Variants in USP32 observed in about 807,000 individuals in gnomAD.
USP32 encodes the protein ubiquitin specific peptidase 32.
Under a neutral mutation model 204.8 loss-of-function variants are expected in USP32, and 59 were observed. That is an observed-to-expected ratio of 0.29 (90% CI 0.23 to 0.36). USP32 has a LOEUF of 0.36. Ranked by LOEUF, USP32 falls within the 10% of genes least tolerant of loss-of-function variation. The pLI is 1.00. For missense variants in USP32, 1,160 were observed against 1,946.4 expected (o/e 0.60, Z 7.60); for synonymous variants, 517 against 678.4 (o/e 0.76, Z 3.70).
chr17:60,303,473 C>T (rs2145897009), intron 2 of USP32, among the ~76,000 whole-genome samples: 1 of 151,134 alleles, frequency 6.6e-6, no homozygotes, highest in South Asian at 2.1e-4. Context: ...AAGGTAACAT[C>T]AAAAGTTGAA....
At chr17:60,347,521 T>A (rs1184695468) in intron 1 of USP32, among the ~76,000 whole-genome samples, 2 of 151,424 alleles carry the variant, frequency 1.3e-5, no homozygotes, top group African/African-American at 4.8e-5. Flanking sequence ...GCCCAGCTAA[T>A]TTTTTGTATT....
At chr17:60,402,131 C>T (rs907898966) in intron 1 of USP32, among the ~76,000 whole-genome samples, 2 of 152,048 alleles carry the variant, frequency 1.3e-5, no homozygotes, top group African/African-American at 4.8e-5. Context: ...CCCAATTTTG[C>T]ATTGTACAAG....
intron 5 of USP32, among the ~76,000 whole-genome samples, chr17:60,288,065 G>C (rs2087164756): frequency 8.2e-6 from 1 of 121,610 alleles, no homozygotes; most frequent in African/African-American, 3.2e-5. Context: ...AGTGAGCCGA[G>C]ATCACACCAC....
intron 7 of USP32, among the ~76,000 whole-genome samples, chr17:60,267,394 A>G (rs237963): frequency 0.14 from 22,016 of 152,124 alleles, 3,477 homozygotes; most frequent in African/African-American, 0.39. Context: ...ACAGTGCGAG[A>G]CTTCGTCTCA....
At chr17:60,219,552 A>T (rs1412359382) in intron 16 of USP32, 118 bp downstream of exon 16, 20 of 1,382,838 alleles carry the variant, frequency 1.4e-5, no homozygotes, top group East Asian at 2.6e-5. Context: ...CGAGCAACGT[A>T]GTTTTCACCT....
chr17:60,384,845 C>T lies in USP32; in HGVS notation c.58+7037G>A, dbSNP rs1008490158. Among the ~76,000 whole-genome samples the T allele has an allele frequency of 1.1e-4, 17 of 151,894 alleles. No individual in the cohort carries two copies. In the East Asian group the frequency reaches 3.1e-3, roughly 28 times the overall value. ...GAGCCTGGCTGGGCGTGGTGGCTCA[C>T]GCCTGTAATTCCAGCATTTTGGGAG... On this transcript the variant is annotated intron_variant, in intron 1 of 33. Transcript: ENST00000300896.
At chr17:60,207,512 CTTAAT>C (rs2084860124) in intron 24 of USP32, among the ~76,000 whole-genome samples, 1 of 151,786 alleles carries the variant, frequency 6.6e-6, no homozygotes, top group East Asian at 1.9e-4. Context: ...GTTGCAGGAG[CTTAAT>C]TTAGAGTAGG....
chr17:60,304,377 G>A (rs751626064), intron 2 of USP32, among the ~76,000 whole-genome samples: 27 of 148,064 alleles, frequency 1.8e-4, no homozygotes, highest in Non-Finnish European at 3.6e-4. Flanking sequence ...TTTTTTTTAC[G>A]GAAACAAAAA....
intron 2 of USP32, among the ~76,000 whole-genome samples, chr17:60,318,677 T>C (rs1234332635): frequency 6.6e-6 from 1 of 152,200 alleles, no homozygotes; most frequent in Non-Finnish European, 1.5e-5. Flanking sequence ...TTTACAGAAT[T>C]GTTTTACTGC....
intron 1 of USP32, among the ~76,000 whole-genome samples, chr17:60,403,668 T>G (rs1038397105): frequency 7.2e-5 from 11 of 152,200 alleles, no homozygotes; most frequent in Non-Finnish European, 1.5e-4. Context: ...GGGGTCGTGA[T>G]GTATTGAACT....
At chr17:60,233,901 G>C (rs897599405) in intron 12 of USP32, among the ~76,000 whole-genome samples, 2 of 151,848 alleles carry the variant, frequency 1.3e-5, no homozygotes, top group African/African-American at 2.4e-5. Context: ...TCCATATAAA[G>C]CGATACTCCT....
chr17:60,247,302 C>T (rs1355494593), intron 11 of USP32, among the ~76,000 whole-genome samples: 1 of 152,050 alleles, frequency 6.6e-6, no homozygotes, highest in Non-Finnish European at 1.5e-5. Flanking sequence ...ACCTCAGCCT[C>T]CTGAGTAGCT....
Position 60,192,867 on chromosome 17 carries a change from G to A in USP32, c.3498C>T (p.Ser1166=), listed in dbSNP as rs1428138696. ...TLRVVQKDGN[S]CAWCPWYRFC... The stretch of plus-strand genomic sequence containing the variant: ...ACCTATACCATGGGCACCAAGCACA[G>A]GAGTTCCCATCTTTCTGCACAACTC... The change falls in exon 28 of 34, where the codon TCC becomes TCT. Residue 1166 remains serine (S), a synonymous_variant. Transcript: ENST00000300896. The A allele has an allele frequency of 6.2e-7, 1 of 1,614,048 alleles. No individual in the cohort carries two copies. Among genetic ancestry groups the A allele is most frequent in the Admixed American group, 1.7e-5 (1 of 60,036 alleles).
At chr17:60,394,256 T>A (rs377493057), upstream of USP32, among the ~76,000 whole-genome samples, 1 of 152,188 alleles carries the variant, frequency 6.6e-6, no homozygotes, top group Admixed American at 6.5e-5. Flanking sequence ...ATTATCGTAA[T>A]TAATGGGAAG....
At position 60,180,614 on chromosome 17, in the gene USP32, C is replaced by T. The variant is rs149244340; in HGVS notation, c.4572G>A (p.Gly1524=). 6.2e-7 allele frequency: 1 copy of T among 1,613,386 alleles called. No homozygotes were observed. Among genetic ancestry groups the T allele is most frequent in the Non-Finnish European group, 8.5e-7 (1 of 1,179,670 alleles). The change falls in exon 33 of 34, where the codon GGG becomes GGA. Residue 1524 remains glycine, a synonymous_variant. Coordinates refer to ENST00000300896, the MANE Select transcript of USP32 (RefSeq NM_032582.4). The stretch of plus-strand genomic sequence containing the variant: ...TTTTGGCATAAGTGACGTAATGGCC[C>T]CCACCCAGAATTCCTGAATGGCACT... ...AISCHSGILG[G]GHYVTYAKNP... is the part of the protein sequence containing the mutation.
At chr17:60,306,881 T>A (rs532365634) in intron 2 of USP32, among the ~76,000 whole-genome samples, 1 of 152,080 alleles carries the variant, frequency 6.6e-6, no homozygotes, top group East Asian at 1.9e-4. Context: ...TTTATATACA[T>A]CAACAGTAAA....
At chr17:60,255,940 A>G (rs1209212146) in intron 9 of USP32, among the ~76,000 whole-genome samples, 1 of 152,236 alleles carries the variant, frequency 6.6e-6, no homozygotes, top group African/African-American at 2.4e-5. Context: ...AACAAGGAAA[A>G]TATATACACA....
intron 9 of USP32, 79 bp downstream of exon 9, chr17:60,265,333 G>T: frequency 1.0e-6 from 1 of 955,806 alleles, no homozygotes; most frequent in Non-Finnish European, 1.6e-6. Context: ...AGAGATTCAA[G>T]CATGTATATA....
chr17:60,345,055 A>G (rs2088753486), intron 2 of USP32, among the ~76,000 whole-genome samples: 1 of 152,216 alleles, frequency 6.6e-6, no homozygotes, highest in Non-Finnish European at 1.5e-5. Flanking sequence ...AATTTAATTA[A>G]GTCCCAATAA....
Sources: gnomAD v4.1 joint callset for allele counts (sites outside exome capture counted in the v4.1 genomes callset) on GRCh38, gnomAD v4.1.1 for gene constraint, MANE v1.5 for transcripts, NCBI Gene and HGNC (gene_info 2026-07-23, HGNC 2026-07-21) for gene names.